NCAM2: variants seen among roughly 807,000 people sequenced by gnomAD.
NCAM2 encodes the protein neural cell adhesion molecule 2.
NCAM2 carries 30 observed loss-of-function variants against 98.1 expected under a neutral mutation model. That is an observed-to-expected ratio of 0.31 (90% CI 0.23 to 0.41). The LOEUF (loss-of-function observed/expected upper bound fraction) is 0.41. NCAM2 is among the 10% of genes least tolerant of loss of function. The pLI is 1.00. For synonymous variants in NCAM2, 368 were observed against 342.4 expected, an observed-to-expected ratio of 1.07 and a Z score of -0.83; for missense variants, 867 against 1,005.8, an observed-to-expected ratio of 0.86 and a Z score of 1.87.
chr21:21,181,240 A>T (rs892576007), intron 1 of NCAM2, among the ~76,000 whole-genome samples: 3 of 152,206 alleles, frequency 2.0e-5, no homozygotes, highest in African/African-American at 7.2e-5. Flanking sequence ...TTGAGTTCTA[A>T]TTTTTTATCA....
rs2105744 is a variant in NCAM2 at position 21,397,673 on chromosome 21, C to T, written c.1196-12601C>T. ...TTCCTCACCTCCTGAGAGCAGAGCG[C>T]GACTGTGCGGCTGCACATGCACCAG... On this transcript the variant is annotated intron_variant, in intron 9 of 17. Coordinates refer to ENST00000400546, the MANE Select transcript of NCAM2 (RefSeq NM_004540.5). 2.4e-4 allele frequency among the ~76,000 whole-genome samples: 37 copies of T among 152,336 alleles called. No individual in the cohort carries two copies. In the East Asian group the frequency reaches 4.1e-3, roughly 17 times the overall value.
chr21:21,102,396 A>G (rs530118942), intron 1 of NCAM2, among the ~76,000 whole-genome samples: 1 of 152,124 alleles, frequency 6.6e-6, no homozygotes, highest in East Asian at 1.9e-4. Context: ...TTAACTCCTC[A>G]CAATACAGGA....
rs142874744 is a variant in NCAM2 at position 21,066,579 on chromosome 21, C to T, written c.55+67961C>T. 2.3e-3 allele frequency among the ~76,000 whole-genome samples: 343 copies of T among 152,128 alleles called. 1 individual carries two copies. The highest frequency in any genetic ancestry group is 7.0e-3 in the African/African-American group (291 of 41,526). On this transcript the variant is annotated intron_variant, in intron 1 of 17. Transcript: ENST00000400546. ...TTTTGACATGCTACTATTGATGCCTCTATGCGCAAGAAAGTTCAATATAAG... is the reference window on the plus strand; with the variant it reads ...TTTTGACATGCTACTATTGATGCCTTTATGCGCAAGAAAGTTCAATATAAG...
intron 1 of NCAM2, among the ~76,000 whole-genome samples, chr21:21,062,769 G>C (rs1354218473): frequency 6.6e-6 from 1 of 152,084 alleles, no homozygotes; most frequent in Non-Finnish European, 1.5e-5. Flanking sequence ...TCATATCTGT[G>C]ATTGAAAATA....
At chr21:21,075,710 G>A (rs1041300470) in intron 1 of NCAM2, among the ~76,000 whole-genome samples, 21 of 152,094 alleles carry the variant, frequency 1.4e-4, no homozygotes, top group African/African-American at 5.1e-4. Flanking sequence ...ATCATAAATG[G>A]GTATTGAATT....
intron 5 of NCAM2, among the ~76,000 whole-genome samples, chr21:21,308,890 T>A (rs2073960890): frequency 6.6e-6 from 1 of 152,192 alleles, no homozygotes; most frequent in Non-Finnish European, 1.5e-5. Context: ...TCTTATTACA[T>A]GTTCTAGTTT....
chr21:21,305,644 G>T (rs1253602388), intron 5 of NCAM2, among the ~76,000 whole-genome samples: 1 of 151,902 alleles, frequency 6.6e-6, no homozygotes, highest in Non-Finnish European at 1.5e-5. Context: ...CCTCCTTTCT[G>T]ATCAGACTGG....
At chr21:21,084,359 T>C (rs535654530) in intron 1 of NCAM2, among the ~76,000 whole-genome samples, 1 of 152,340 alleles carries the variant, frequency 6.6e-6, no homozygotes, top group South Asian at 2.1e-4. Flanking sequence ...TTTAGATTCC[T>C]GTTAACCACC....
rs1189201225 is a variant in NCAM2 at position 21,534,541 on chromosome 21, G to T, written c.2287G>T (p.Asp763Tyr). The T allele has an allele frequency of 1.3e-6, 2 of 1,589,106 alleles. No homozygotes were observed. Among genetic ancestry groups the T allele is most frequent in the Non-Finnish European group, 1.7e-6 (2 of 1,166,296 alleles). ...LEEGKAAYLK[D>Y]GSKEPIVEMR... ...TGTTTCTCTTTATGTTTCTAGGAAA[G>T]ATGGATCAAAAGAACCAATAGTGGA... The change falls in exon 17 of 18, where the codon GAT (aspartate) becomes TAT (tyrosine). Residue 763 changes from aspartate (D) to tyrosine (Y), a missense_variant. Asp to Tyr is a radical substitution (Grantham distance 160, BLOSUM62 -3). Coordinates refer to ENST00000400546, the MANE Select transcript of NCAM2 (RefSeq NM_004540.5).
At chr21:21,042,300 T>A (rs529314962) in intron 1 of NCAM2, among the ~76,000 whole-genome samples, 2 of 152,230 alleles carry the variant, frequency 1.3e-5, no homozygotes, top group East Asian at 3.9e-4. Context: ...TTCTCCTGCG[T>A]CAGCCTCCCG....
intron 1 of NCAM2, among the ~76,000 whole-genome samples, chr21:21,173,121 G>A (rs1226251626): frequency 1.3e-5 from 2 of 152,064 alleles, no homozygotes; most frequent in Middle Eastern, 3.2e-3. Context: ...GTATTCAAAT[G>A]TTGTAGAAAT....
At chr21:21,451,442 A>C (rs546815074) in intron 12 of NCAM2, among the ~76,000 whole-genome samples, 1 of 152,268 alleles carries the variant, frequency 6.6e-6, no homozygotes, top group East Asian at 1.9e-4. Context: ...AACATGAGTA[A>C]ACCTTCATTC....
chr21:21,252,750 G>A (rs189132572), intron 1 of NCAM2, among the ~76,000 whole-genome samples: 4 of 152,164 alleles, frequency 2.6e-5, no homozygotes, highest in African/African-American at 9.6e-5. Context: ...AATTCATCTC[G>A]TGTCAAACCT....
intron 1 of NCAM2, among the ~76,000 whole-genome samples, chr21:21,125,302 T>A (rs2066765883): frequency 8.9e-6 from 1 of 111,762 alleles, no homozygotes; most frequent in Admixed American, 9.6e-5. Context: ...TGAGATCTAG[T>A]TCATCTAACT....
At chr21:21,144,813 A>G (rs1409119288) in intron 1 of NCAM2, among the ~76,000 whole-genome samples, 1 of 152,166 alleles carries the variant, frequency 6.6e-6, no homozygotes, top group African/African-American at 2.4e-5. Flanking sequence ...GTCTTGCTAG[A>G]TGCATCTTGT....
chr21:21,481,968 C>T (rs1342338248), intron 15 of NCAM2, among the ~76,000 whole-genome samples: 6 of 151,858 alleles, frequency 4.0e-5, no homozygotes, highest in African/African-American at 7.3e-5. Flanking sequence ...CATGGTGACA[C>T]CCGCCTGTAA....
At chr21:21,072,584 A>G (rs1474201377) in intron 1 of NCAM2, among the ~76,000 whole-genome samples, 1 of 152,090 alleles carries the variant, frequency 6.6e-6, no homozygotes, top group Non-Finnish European at 1.5e-5. Context: ...GCTGGTAGGG[A>G]TATTACCATC....
intron 8 of NCAM2, among the ~76,000 whole-genome samples, chr21:21,339,373 TTACTA>T: frequency 6.6e-6 from 1 of 152,150 alleles, no homozygotes; most frequent in Non-Finnish European, 1.5e-5. Context: ...TAATGAAACA[TTACTA>T]TATGTTTCAC....
At chr21:21,070,505 G>A (rs2065539664) in intron 1 of NCAM2, among the ~76,000 whole-genome samples, 1 of 152,106 alleles carries the variant, frequency 6.6e-6, no homozygotes, top group Non-Finnish European at 1.5e-5. Flanking sequence ...AACAGAGGAA[G>A]AGGGGGGTGA....
Sources: allele counts gnomAD v4.1 joint callset (sites outside exome capture counted in the v4.1 genomes callset), GRCh38; gene constraint gnomAD v4.1.1; transcripts MANE v1.5; gene names NCBI Gene and HGNC (gene_info 2026-07-23, HGNC 2026-07-21).